The following MACF1 variants were observed in gnomAD, a reference collection of about 807,000 sequenced individuals.
MACF1 encodes the protein microtubule actin crosslinking factor 1.
A neutral mutation model predicts 854.8 loss-of-function variants in MACF1; 193 were observed. The ratio of observed to expected loss-of-function variants is 0.23; its 90% CI spans 0.20 to 0.25. The LOEUF is 0.25. Among genes scored for constraint, MACF1 ranks in the 10% least tolerant of loss-of-function variants. MACF1 has a pLI of 1.00. For missense variants in MACF1, 7,722 were observed against 8,929.1 expected (o/e 0.86, Z 5.45); for synonymous variants, 3,185 against 3,226.7 (o/e 0.99, Z 0.44).
intron 58 of MACF1, among the ~76,000 whole-genome samples, chr1:39,389,377 GGA>G (rs1212932106): frequency 1.6e-4 from 2 of 12,426 alleles, no homozygotes; most frequent in African/African-American, 4.8e-4. Context: ...TTTTTTTTTT[GGA>G]GACAGAGTCT....
chr1:39,188,160 A>G (rs577181000), intron 2 of MACF1, among the ~76,000 whole-genome samples: 18 of 152,208 alleles, frequency 1.2e-4, no homozygotes, highest in African/African-American at 4.1e-4. Context: ...GGCCCTGGCC[A>G]GGCACAGTGG....
rs764834184 is a variant in MACF1 at position 39,387,973 on chromosome 1, G to A, written c.15131G>A (p.Cys5044Tyr). The A allele has an allele frequency of 1.9e-6, 3 of 1,613,948 alleles. No individual in the cohort carries two copies. In the South Asian group the frequency reaches 3.3e-5, roughly 18 times the overall value. The part of the protein sequence containing the change: ...EIFDALGSQA[C>Y]SNKNLEKLRA... ...TTTGATGCTCTGGGTTCTCAAGCCT[G>A]TAGCAACAAGAACCTGGAGAAGCTA... The change falls in exon 58 of 101, where the codon TGT (cysteine) becomes TAT (tyrosine). Residue 5044 changes from cysteine to tyrosine, a missense_variant. This residue lies in a region of MACF1 where 2,807 missense variants were observed against 3,235.8 expected (regional missense o/e 0.87). Coordinates refer to ENST00000564288, the MANE Select transcript of MACF1 (RefSeq NM_001394062.1).
intron 2 of MACF1, among the ~76,000 whole-genome samples, chr1:39,179,881 G>A (rs973914802): frequency 1.3e-5 from 2 of 151,870 alleles, no homozygotes; most frequent in African/African-American, 2.4e-5. Flanking sequence ...CAGGTGTGGT[G>A]GCACACACTT....
At chr1:39,182,197 T>TA (rs1644114158) in intron 2 of MACF1, among the ~76,000 whole-genome samples, 1 of 145,508 alleles carries the variant, frequency 6.9e-6, no homozygotes, top group African/African-American at 2.5e-5. Flanking sequence ...ACACAACATA[T>TA]AAAACTTAAC....
rs1306583613 is a variant in MACF1, at chr1:39,461,997, C to T, written c.21638C>T (p.Ala7213Val). ...FVAALHPNKD[A>V]YRPTTDADKI... is the part of the protein sequence containing the mutation. ...GCTGCTCTTCATCCCAACAAGGATG[C>T]GTATCGACCAACAACCGATGCAGAT... Residue 7213 changes from alanine (A) to valine (V), a missense_variant, in exon 93 of 101, where the codon GCG becomes GTG. By Grantham distance (64) the Ala-to-Val change is moderately conservative. Around this residue, in one of 15 missense-constraint regions of MACF1, gnomAD observed 153 missense variants for 342.5 expected, o/e 0.45. Coordinates refer to ENST00000564288, the MANE Select transcript of MACF1 (RefSeq NM_001394062.1). 2.5e-6 allele frequency: 4 copies of T among 1,613,632 alleles called. No individual in the cohort carries two copies. Among genetic ancestry groups the T allele is most frequent in the Non-Finnish European group, 1.7e-6 (2 of 1,179,888 alleles).
intron 2 of MACF1, among the ~76,000 whole-genome samples, chr1:39,165,878 A>G (rs1452384548): frequency 2.6e-5 from 4 of 152,038 alleles, no homozygotes; most frequent in Non-Finnish European, 2.9e-5. Flanking sequence ...CTTTTTTACA[A>G]TCTGTTATCA....
chr1:39,094,504 C>A (rs1641889007), intron 2 of MACF1, among the ~76,000 whole-genome samples: 1 of 151,876 alleles, frequency 6.6e-6, no homozygotes. Flanking sequence ...GGCAGATCAC[C>A]TGAGGTCAGG....
rs371929191 is a variant in MACF1, at chr1:39,333,152, A to G, written c.6564A>G (p.Gly2188=). 2.9e-5 allele frequency: 46 copies of G among 1,613,884 alleles called. No homozygotes were observed. The highest frequency in any genetic ancestry group is 3.8e-5 in the Non-Finnish European group (45 of 1,180,034). ...CTGAATATATTCATGATGAAACTGG[A>G]GGATCTCACATAAAACCCCAAAGCA... ...LETEYIHDET[G]GSHIKPQSKK... Residue 2188 remains glycine, a synonymous_variant, in exon 37 of 101, where the codon GGA becomes GGG. Coordinates refer to ENST00000564288, the MANE Select transcript of MACF1 (RefSeq NM_001394062.1).
At chr1:39,304,130 A>AGAC (rs1383208350) in intron 23 of MACF1, among the ~76,000 whole-genome samples, 1 of 146,286 alleles carries the variant, frequency 6.8e-6, no homozygotes, top group African/African-American at 2.5e-5. Flanking sequence ...TTAACTCGTC[A>AGAC]TTTACATTAG....
intron 2 of MACF1, among the ~76,000 whole-genome samples, chr1:39,150,243 T>C (rs1041715901): frequency 3.9e-5 from 6 of 152,292 alleles, no homozygotes; most frequent in African/African-American, 1.4e-4. Flanking sequence ...GGTCTCAAAT[T>C]CCTGAGCTCA....
chr1:39,460,919 C>A lies in MACF1; in HGVS notation c.21523+125C>A. Reference sequence around the variant, plus strand: ...AGGAGCTTGGCTCACACCTGTAATTCCAGCACTTTGGGAGGCAGGTGGCAA... The same window carrying A: ...AGGAGCTTGGCTCACACCTGTAATTACAGCACTTTGGGAGGCAGGTGGCAA... On this transcript the variant is annotated intron_variant, in intron 92 of 100. Transcript: ENST00000564288. The surrounding 1 kb of genome is among the most constrained non-coding windows in gnomAD (Gnocchi z 4.1). 1 of 1,110,810 alleles carries A rather than the reference C, an allele frequency of 9.0e-7. No homozygotes were observed. The highest frequency in any genetic ancestry group is 1.3e-6 in the Non-Finnish European group (1 of 762,054). The allele number at this position is 1,110,810 out of a possible 1,614,324, so 68.8% of individuals were successfully genotyped here.
intron 97 of MACF1, among the ~76,000 whole-genome samples, chr1:39,470,878 T>A (rs2124143393): frequency 6.6e-6 from 1 of 152,320 alleles, no homozygotes; most frequent in Admixed American, 6.5e-5. Context: ...CTTGATTGCC[T>A]GTTTATTTGC....
intron 99 of MACF1, 70 bp from the exon 100 acceptor site, chr1:39,484,531 C>A (rs187415927): frequency 3.5e-6 from 5 of 1,423,664 alleles, no homozygotes; most frequent in Middle Eastern, 1.8e-4. Flanking sequence ...TGTAAGGAGA[C>A]CTTTTAAAGT....
At chr1:39,235,721 T>A (rs1233677278) in intron 2 of MACF1, among the ~76,000 whole-genome samples, 7 of 152,204 alleles carry the variant, frequency 4.6e-5, no homozygotes, top group Non-Finnish European at 1.5e-5. Context: ...CTTGAAGACT[T>A]CCTGTAAATC....
chr1:39,436,503 TC>T, intron 70 of MACF1: 1 of 1,613,238 alleles, frequency 6.2e-7, no homozygotes, highest in Non-Finnish European at 8.5e-7. Context: ...AAGGTACCCA[TC>T]CCCATTGGGA....
chr1:39,404,108 C>A (rs1422540006), intron 58 of MACF1, among the ~76,000 whole-genome samples: 1 of 151,014 alleles, frequency 6.6e-6, no homozygotes, highest in Non-Finnish European at 1.5e-5. Context: ...AGCCTGGCAA[C>A]AGAGTGAGAC....
At chr1:39,260,750 A>G (rs988368679) in intron 6 of MACF1, among the ~76,000 whole-genome samples, 41 of 152,266 alleles carry the variant, frequency 2.7e-4, no homozygotes, top group Admixed American at 2.5e-3. Context: ...CAAACAAACA[A>G]AAAACCCCAT....
intron 97 of MACF1, among the ~76,000 whole-genome samples, chr1:39,478,766 G>T (rs1193494390): frequency 6.6e-6 from 1 of 152,192 alleles, no homozygotes; most frequent in Admixed American, 6.5e-5. Flanking sequence ...TTTCTGACCA[G>T]TTAAACATCT....
Position 39,334,725 on chromosome 1 carries a change from G to A in MACF1, c.8137G>A (p.Val2713Met). Reference sequence around the variant, plus strand: ...GGCATCAGCTTTGGAAGAGAAACTGGTGGATGAAAACATGGTCAGAATTAT... The same window carrying A: ...GGCATCAGCTTTGGAAGAGAAACTGATGGATGAAAACATGGTCAGAATTAT... ...TLASALEEKLVDENMVRIIAS... is the reference protein window; with the variant it reads ...TLASALEEKLMDENMVRIIAS... The change falls in exon 37 of 101, where the codon GTG becomes ATG. Residue 2713 changes from valine (V) to methionine (M), a missense_variant. Val to Met is a conservative substitution (Grantham distance 21). Around this residue, in one of 15 missense-constraint regions of MACF1, gnomAD observed 1,531 missense variants for 1,601.6 expected, o/e 0.96. Transcript: ENST00000564288. 3 of 1,614,112 alleles carry A rather than the reference G, an allele frequency of 1.9e-6. No individual in the cohort carries two copies. In the Middle Eastern group the frequency reaches 4.9e-4, roughly 266 times the overall value.
Sources: gnomAD v4.1 joint callset for allele counts (sites outside exome capture counted in the v4.1 genomes callset) on GRCh38, gnomAD v4.1.1 for gene constraint, gnomAD v4.1.1 regional missense constraint, Gnocchi (gnomAD v3.1) non-coding constraint, MANE v1.5 for transcripts, NCBI Gene and HGNC (gene_info 2026-07-23, HGNC 2026-07-21) for gene names.